Variants in IQGAP2 observed in about 807,000 individuals in gnomAD.
The protein encoded by IQGAP2 is IQ motif containing GTPase activating protein 2.
Under a neutral mutation model 201.3 loss-of-function variants are expected in IQGAP2, and 173 were observed. That is an observed-to-expected ratio of 0.86 (90% confidence interval 0.76 to 0.98). The LOEUF (loss-of-function observed/expected upper bound fraction) is 0.98. IQGAP2 is among the 50% of genes least tolerant of loss of function. IQGAP2 has a pLI of 0.00. For missense variants in IQGAP2, 1,687 were observed against 1,864.8 expected (o/e 0.90, Z 1.76); for synonymous variants, 675 against 673.9 (o/e 1.00, Z -0.03).
chr5:76,547,395 C>T (rs1040969302), intron 2 of IQGAP2: 1 of 962,208 alleles, frequency 1.0e-6, no homozygotes, highest in Non-Finnish European at 1.2e-6. Context: ...ATATTGAATA[C>T]TTGCTTGGGG....
At chr5:76,447,100 GTT>G (rs1445355132) in intron 1 of IQGAP2, among the ~76,000 whole-genome samples, 1 of 152,082 alleles carries the variant, frequency 6.6e-6, no homozygotes, top group Non-Finnish European at 1.5e-5. Flanking sequence ...GTTAAGAGCC[GTT>G]GTCGGCCAAC....
In IQGAP2 at chr5:76,530,941, G is replaced by A. The variant is rs146849879; in HGVS notation, c.147-31455G>A. 1.3e-3 allele frequency among the ~76,000 whole-genome samples: 192 copies of A among 151,584 alleles called. 6 individuals carry two copies. In the East Asian group the frequency reaches 0.029, roughly 23 times the overall value. On this transcript the variant is annotated intron_variant, in intron 2 of 35. Transcript: ENST00000274364. ...CAGATTTTTACAGAACAGCCCAAAGGGGTGTTTTGTGTGCTAATGATTAGA... is the reference window on the plus strand; with the variant it reads ...CAGATTTTTACAGAACAGCCCAAAGAGGTGTTTTGTGTGCTAATGATTAGA...
chr5:76,570,612 T>C lies in IQGAP2; in HGVS notation c.336T>C (p.Asn112=), dbSNP rs752236444. The C allele has an allele frequency of 2.5e-6, 4 of 1,613,874 alleles. No individual in the cohort carries two copies. Among genetic ancestry groups the C allele is most frequent in the Middle Eastern group, 3.3e-4 (2 of 6,062 alleles). The change falls in exon 4 of 36, where the codon AAT becomes AAC. Residue 112 remains asparagine (N), a synonymous_variant. Transcript: ENST00000274364. ...GCCTTCATTTTCGACACACAGATAA[T>C]ACCGTCCAGTGGTTAAGAGCGATGG... ...KSGLHFRHTD[N]TVQWLRAMES...
At chr5:76,484,564 T>TA (rs540843099) in intron 2 of IQGAP2, among the ~76,000 whole-genome samples, 6 of 152,190 alleles carry the variant, frequency 3.9e-5, no homozygotes, top group Middle Eastern at 3.4e-3. Context: ...ACTTTTCCTT[T>TA]AAAAAAAATT....
At chr5:76,555,963 G>T (rs1157199240) in intron 2 of IQGAP2, among the ~76,000 whole-genome samples, 1 of 152,178 alleles carries the variant, frequency 6.6e-6, no homozygotes, top group Non-Finnish European at 1.5e-5. Context: ...GCAGACTCTG[G>T]TATTGAAGGA....
chr5:76,502,825 T>C (rs114902841), intron 2 of IQGAP2, among the ~76,000 whole-genome samples: 2,241 of 152,242 alleles, frequency 0.015, 66 homozygotes, highest in African/African-American at 0.052. Context: ...AGCCTGGAAT[T>C]CCTGGGCTCA....
intron 24 of IQGAP2, among the ~76,000 whole-genome samples, chr5:76,672,837 T>C (rs1484406421): frequency 6.7e-6 from 1 of 148,566 alleles, no homozygotes; most frequent in Non-Finnish European, 1.5e-5. Flanking sequence ...CACCGCATAT[T>C]CTCACTCATA....
chr5:76,697,764 T>A (rs1372317957), intron 32 of IQGAP2, among the ~76,000 whole-genome samples: 1 of 152,226 alleles, frequency 6.6e-6, no homozygotes, highest in Non-Finnish European at 1.5e-5. Context: ...GCAAAATTAA[T>A]GTTAACAAGT....
chr5:76,682,665 T>G lies in IQGAP2; in HGVS notation c.3661-450T>G, dbSNP rs375700296. On this transcript the variant is annotated intron_variant, in intron 28 of 35. Coordinates refer to ENST00000274364, the MANE Select transcript of IQGAP2 (RefSeq NM_006633.5). ...ATCCTTACCCATGAGAGATCTTCAA[T>G]GCAAGACAGATTGAAACAGCTCATA... Among the ~76,000 whole-genome samples the G allele has an allele frequency of 5.3e-4, 80 of 152,258 alleles. 2 individuals carry two copies. Among genetic ancestry groups the G allele is most frequent in the East Asian group, 1.2e-3 (6 of 5,176 alleles).
chr5:76,597,709 G>C, intron 10 of IQGAP2, 107 bp downstream of exon 10: 1 of 1,192,610 alleles, frequency 8.4e-7, no homozygotes, highest in South Asian at 1.4e-5. Flanking sequence ...TCTCTAATTT[G>C]TACCAGTCCT....
intron 2 of IQGAP2, among the ~76,000 whole-genome samples, chr5:76,551,618 C>T (rs1041347360): frequency 7.3e-5 from 11 of 151,462 alleles, no homozygotes; most frequent in Non-Finnish European, 1.0e-4. Context: ...CTCGGGAGGC[C>T]GAGGCAGGCA....
intron 14 of IQGAP2, among the ~76,000 whole-genome samples, chr5:76,629,207 A>G (rs111590112): frequency 0.015 from 2,280 of 152,268 alleles, 72 homozygotes; most frequent in African/African-American, 0.052. Context: ...TTCTTTTACT[A>G]TATCTTAAAC....
chr5:76,454,279 G>A (rs1003687111), intron 1 of IQGAP2, among the ~76,000 whole-genome samples: 1 of 151,220 alleles, frequency 6.6e-6, no homozygotes, highest in African/African-American at 2.4e-5. Flanking sequence ...AAAGAAATTA[G>A]ATATATATAT....
chr5:76,617,278 C>T (rs1749071466), intron 13 of IQGAP2: 1 of 240,690 alleles, frequency 4.2e-6, no homozygotes, highest in Non-Finnish European at 8.2e-6. Context: ...AACCCCGTCT[C>T]TACTAAAAAT....
chr5:76,513,060 G>GAAA (rs11369662), intron 2 of IQGAP2, among the ~76,000 whole-genome samples: 1 of 147,588 alleles, frequency 6.8e-6, no homozygotes, highest in African/African-American at 2.5e-5. Context: ...GTCTCAAAAA[G>GAAA]AAAAAAAAAA....
intron 1 of IQGAP2, among the ~76,000 whole-genome samples, chr5:76,460,860 CTTTTTT>C (rs61258350): frequency 5.5e-4 from 62 of 113,520 alleles, no homozygotes; most frequent in South Asian, 2.3e-3. Flanking sequence ...TTGCACACTG[CTTTTTT>C]TTTTTTTTTT....
At chr5:76,422,075 C>T (rs1751760443) in intron 1 of IQGAP2, among the ~76,000 whole-genome samples, 1 of 152,056 alleles carries the variant, frequency 6.6e-6, no homozygotes, top group Admixed American at 6.5e-5. Context: ...TAGACAATTC[C>T]AATACACCAG....
chr5:76,443,489 A>T (rs77917336), intron 1 of IQGAP2, among the ~76,000 whole-genome samples: 65 of 149,242 alleles, frequency 4.4e-4, no homozygotes, highest in African/African-American at 1.5e-3. Flanking sequence ...TTTTTTAATT[A>T]AAAAAAAATG....
chr5:76,649,578 G>T (rs1179958899), intron 17 of IQGAP2, among the ~76,000 whole-genome samples: 1 of 152,196 alleles, frequency 6.6e-6, no homozygotes, highest in Non-Finnish European at 1.5e-5. Flanking sequence ...TTGTGGCTCT[G>T]AATGAAGCCT....
Sources: allele counts gnomAD v4.1 joint callset (sites outside exome capture counted in the v4.1 genomes callset), GRCh38; gene constraint gnomAD v4.1.1; transcripts MANE v1.5; gene names NCBI Gene and HGNC (gene_info 2026-07-23, HGNC 2026-07-21).